UNC13C: variants seen among roughly 807,000 people sequenced by gnomAD.
UNC13C encodes protein unc-13 homolog C.
Under a neutral mutation model 245.4 loss-of-function variants are expected in UNC13C, and 174 were observed. The ratio of observed to expected loss-of-function variants is 0.71; its 90% CI spans 0.63 to 0.80. The LOEUF is 0.80. Among genes scored for constraint, UNC13C ranks in the 30% least tolerant of loss-of-function variants. UNC13C has a pLI of 0.00. For synonymous variants in UNC13C, 992 were observed against 895.1 expected (o/e 1.11, Z -1.93); for missense variants, 2,829 against 2,602.9 (o/e 1.09, Z -1.89).
At chr15:54,600,045 T>G (rs1219295014) in intron 30 of UNC13C, among the ~76,000 whole-genome samples, 2 of 152,112 alleles carry the variant, frequency 1.3e-5, no homozygotes, top group Non-Finnish European at 2.9e-5. Context: ...AGCAGGCATA[T>G]GACCATTTAT....
chr15:53,849,717 A>C, the UNC13C span, among the ~76,000 whole-genome samples: 1 of 152,122 alleles, frequency 6.6e-6, no homozygotes, highest in Admixed American at 6.6e-5. Flanking sequence ...TTTTCCACAA[A>C]ATGTATTCTG....
At chr15:54,503,148 A>C (rs1321306434) in intron 22 of UNC13C, among the ~76,000 whole-genome samples, 5 of 152,164 alleles carry the variant, frequency 3.3e-5, no homozygotes, top group Non-Finnish European at 7.3e-5. Flanking sequence ...AATTCAATTA[A>C]GTAAAACATT....
At chr15:54,408,654 G>T (rs563109262) in intron 18 of UNC13C, among the ~76,000 whole-genome samples, 1 of 152,172 alleles carries the variant, frequency 6.6e-6, no homozygotes, top group Admixed American at 6.5e-5. Flanking sequence ...TATCATTTCT[G>T]TGAAGTAAAT....
chr15:54,155,244 A>G (rs1413356922), intron 4 of UNC13C, among the ~76,000 whole-genome samples: 1 of 152,142 alleles, frequency 6.6e-6, no homozygotes, highest in Non-Finnish European at 1.5e-5. Context: ...GAGCGGGGGC[A>G]TTTGGGCTGT....
chr15:54,121,174 T>C (rs2030640989), intron 2 of UNC13C, among the ~76,000 whole-genome samples: 2 of 152,174 alleles, frequency 1.3e-5, no homozygotes, highest in African/African-American at 4.8e-5. Context: ...AGTCAATGAA[T>C]GTGCCAAGCT....
At chr15:53,965,408 T>C in the UNC13C span, among the ~76,000 whole-genome samples, 2 of 152,216 alleles carry the variant, frequency 1.3e-5, no homozygotes, top group African/African-American at 4.8e-5. Flanking sequence ...GATTCTCTAA[T>C]ACTGAATATC....
chr15:53,885,881 C>T, the UNC13C span, among the ~76,000 whole-genome samples: 1 of 152,146 alleles, frequency 6.6e-6, no homozygotes, highest in Admixed American at 6.6e-5. Context: ...AAGTCCTGTA[C>T]TCTCATTAAT....
intron 17 of UNC13C, among the ~76,000 whole-genome samples, chr15:54,341,349 G>A (rs1191611316): frequency 1.3e-5 from 2 of 152,008 alleles, no homozygotes; most frequent in African/African-American, 2.4e-5. Context: ...ACAAAATAAC[G>A]CAGGAAAGGA....
At chr15:54,271,856 A>G (rs1304888903) in intron 10 of UNC13C, among the ~76,000 whole-genome samples, 1 of 152,198 alleles carries the variant, frequency 6.6e-6, no homozygotes, top group Admixed American at 6.5e-5. Context: ...TATTCTACGT[A>G]TGTAACCGAC....
chr15:54,613,277 GAGCA>G (rs1445607770), intron 30 of UNC13C, among the ~76,000 whole-genome samples: 4 of 151,734 alleles, frequency 2.6e-5, no homozygotes, highest in African/African-American at 9.7e-5. Context: ...TTGAAATTCA[GAGCA>G]AGCAATCTAT....
intron 16 of UNC13C, among the ~76,000 whole-genome samples, chr15:54,336,555 T>C (rs2038582303): frequency 6.6e-6 from 1 of 152,028 alleles, no homozygotes; most frequent in African/African-American, 2.4e-5. Flanking sequence ...GTTTTTTTGG[T>C]GTGTTTCTTC....
the UNC13C span, among the ~76,000 whole-genome samples, chr15:53,920,953 C>T: frequency 2.0e-5 from 3 of 151,486 alleles, no homozygotes; most frequent in African/African-American, 7.3e-5. Flanking sequence ...GAAAGTTTAA[C>T]TATGGGAGTG....
intron 18 of UNC13C, among the ~76,000 whole-genome samples, chr15:54,411,265 G>A (rs925913922): frequency 1.3e-5 from 2 of 151,948 alleles, no homozygotes; most frequent in Admixed American, 6.6e-5. Context: ...CACATGTTTT[G>A]CAAATTTTTT....
At chr15:54,529,991 A>T (rs1453362624) in intron 25 of UNC13C, among the ~76,000 whole-genome samples, 9 of 152,178 alleles carry the variant, frequency 5.9e-5, no homozygotes, top group Non-Finnish European at 5.9e-5. Context: ...TACTTAGGTA[A>T]GAACCATCAA....
the UNC13C span, among the ~76,000 whole-genome samples, chr15:53,845,573 A>G: frequency 6.6e-6 from 1 of 152,116 alleles, no homozygotes; most frequent in Non-Finnish European, 1.5e-5. Flanking sequence ...CATTCATGAA[A>G]TTTATTGAAT....
chr15:54,353,508 T>C (rs138457912), intron 17 of UNC13C, among the ~76,000 whole-genome samples: 95 of 152,310 alleles, frequency 6.2e-4, no homozygotes, highest in African/African-American at 2.2e-3. Flanking sequence ...CCTAGAATTC[T>C]ATAGACAGTT....
At chr15:54,410,419 TG>T (rs2040392654) in intron 18 of UNC13C, among the ~76,000 whole-genome samples, 1 of 152,152 alleles carries the variant, frequency 6.6e-6, no homozygotes, top group Admixed American at 6.5e-5. Flanking sequence ...CAATTGCTTT[TG>T]GGGTCATCAT....
chr15:54,241,113 C>G (rs1399982044), intron 7 of UNC13C, among the ~76,000 whole-genome samples: 1 of 152,020 alleles, frequency 6.6e-6, no homozygotes, highest in African/African-American at 2.4e-5. Flanking sequence ...CCAAGATAGT[C>G]TCAGATGAGG....
chr15:53,986,546 A>G (rs904730969), intron 1 of UNC13C, among the ~76,000 whole-genome samples: 8 of 152,082 alleles, frequency 5.3e-5, no homozygotes, highest in African/African-American at 1.7e-4. Context: ...TGAAAATTTG[A>G]TAAGTACAGA....
Sources: gnomAD v4.1 joint callset for allele counts (sites outside exome capture counted in the v4.1 genomes callset) on GRCh38, gnomAD v4.1.1 for gene constraint, MANE v1.5 for transcripts, NCBI Gene and HGNC (gene_info 2026-07-23, HGNC 2026-07-21) for gene names.